Variants in CELF2 observed in about 807,000 individuals in gnomAD.
CELF2 encodes CUGBP Elav-like family member 2.
A neutral mutation model predicts 62.6 loss-of-function variants in CELF2; 8 were observed. The observed-to-expected ratio is 0.13, with a 90% CI of 0.07 to 0.23. CELF2 has a LOEUF of 0.23. Among genes scored for constraint, CELF2 ranks in the 10% least tolerant of loss-of-function variants. The pLI is 1.00. For synonymous variants in CELF2, 258 were observed against 250.0 expected, an observed-to-expected ratio of 1.03 and a Z score of -0.30; for missense variants, 333 against 671.0, an observed-to-expected ratio of 0.50 and a Z score of 5.56.
At chr10:10,708,517 TATA>T in the CELF2 span, among the ~76,000 whole-genome samples, 2 of 152,134 alleles carry the variant, frequency 1.3e-5, no homozygotes, top group African/African-American at 4.8e-5. Flanking sequence ...ACTTAACAAA[TATA>T]ATATCAGTGT....
the CELF2 span, among the ~76,000 whole-genome samples, chr10:10,777,292 G>C: frequency 1.3e-5 from 2 of 152,268 alleles, no homozygotes; most frequent in East Asian, 3.9e-4. Context: ...CTTGGCCCTG[G>C]TGCATCCTCA....
At chr10:11,049,122 T>TTA (rs11415139) in intron 1 of CELF2, among the ~76,000 whole-genome samples, 3 of 143,126 alleles carry the variant, frequency 2.1e-5, no homozygotes, top group South Asian at 2.3e-4. Context: ...ACTGTTCTGT[T>TTA]AAAAAAAAAA....
chr10:11,121,255 G>T (rs1247968230), intron 1 of CELF2, among the ~76,000 whole-genome samples: 1 of 152,110 alleles, frequency 6.6e-6, no homozygotes, highest in Non-Finnish European at 1.5e-5. Context: ...ACCTATCTTA[G>T]TGTTTTCAGA....
intron 3 of CELF2, among the ~76,000 whole-genome samples, chr10:11,239,688 G>A (rs1361382878): frequency 6.6e-6 from 1 of 152,060 alleles, no homozygotes; most frequent in African/African-American, 2.4e-5. Flanking sequence ...TTTCTTTGTT[G>A]TTACCAAACT....
the CELF2 span, among the ~76,000 whole-genome samples, chr10:10,657,368 C>G: frequency 4.1e-5 from 6 of 146,352 alleles, no homozygotes; most frequent in African/African-American, 1.3e-4. Context: ...CTTAAGCATA[C>G]ACTAAAAGTA....
At chr10:11,021,363 T>C (rs1170856713) in intron 1 of CELF2, among the ~76,000 whole-genome samples, 1 of 152,176 alleles carries the variant, frequency 6.6e-6, no homozygotes, top group African/African-American at 2.4e-5. Flanking sequence ...GAACTAGCTT[T>C]TTGTTAAGTC....
chr10:10,736,072 T>C, the CELF2 span, among the ~76,000 whole-genome samples: 5 of 152,238 alleles, frequency 3.3e-5, no homozygotes, highest in South Asian at 2.1e-4. Context: ...CTAGATTTTA[T>C]TGAGTACCCA....
the CELF2 span, among the ~76,000 whole-genome samples, chr10:10,581,689 G>T: frequency 2.6e-5 from 4 of 152,140 alleles, no homozygotes; most frequent in Non-Finnish European, 4.4e-5. Flanking sequence ...CTAATGTGAT[G>T]ATTTGGTAAC....
chr10:10,718,417 A>T, the CELF2 span, among the ~76,000 whole-genome samples: 3 of 152,068 alleles, frequency 2.0e-5, no homozygotes, highest in African/African-American at 7.2e-5. Flanking sequence ...TGAGGTCGGG[A>T]GTTCGAGACC....
At chr10:10,715,966 A>C in the CELF2 span, among the ~76,000 whole-genome samples, 27 of 152,170 alleles carry the variant, frequency 1.8e-4, 1 homozygote, top group African/African-American at 6.5e-4. Flanking sequence ...ACCTGAGTTG[A>C]TATAGTCCCA....
At chr10:11,134,075 A>T (rs1827297432) in intron 1 of CELF2, among the ~76,000 whole-genome samples, 1 of 152,176 alleles carries the variant, frequency 6.6e-6, no homozygotes, top group Admixed American at 6.6e-5. Context: ...GATATTTGTA[A>T]ATATTTTACT....
At position 11,319,365 on chromosome 10, in the gene CELF2, A is replaced by G. The variant is rs2095291436; in HGVS notation, c.1097-1824A>G. ...GATGAAGTAAGATCACTGGAGGAAT[A>G]GAGAAATGACTCTCCAGCCCTCTGG... On this transcript the variant is annotated intron_variant, in intron 10 of 12. Coordinates refer to ENST00000633077, the MANE Select transcript of CELF2 (RefSeq NM_001326342.2). This position sits in a 1 kb window ranked among gnomAD's most constrained non-coding sequence, Gnocchi z 4.4. Among the ~76,000 whole-genome samples, 1 of 152,176 alleles carries G rather than the reference A, an allele frequency of 6.6e-6. No individual in the cohort carries two copies. Among genetic ancestry groups the G allele is most frequent in the Non-Finnish European group, 1.5e-5 (1 of 68,030 alleles).
At chr10:11,124,365 C>CT (rs35434762) in intron 1 of CELF2, among the ~76,000 whole-genome samples, 1 of 152,084 alleles carries the variant, frequency 6.6e-6, no homozygotes, top group Non-Finnish European at 1.5e-5. Context: ...GTTCATGAGC[C>CT]TTTTTTGAGG....
chr10:10,698,333 G>A, the CELF2 span, among the ~76,000 whole-genome samples: 1,348 of 152,236 alleles, frequency 8.9e-3, 7 homozygotes, highest in African/African-American at 0.012. Flanking sequence ...TTATGCAGGC[G>A]AACTGACTTT....
chr10:10,582,332 T>C, the CELF2 span, among the ~76,000 whole-genome samples: 1 of 152,198 alleles, frequency 6.6e-6, no homozygotes, highest in Admixed American at 6.5e-5. Flanking sequence ...ACATACCTTT[T>C]GGATATGGGT....
At chr10:10,644,862 G>A in the CELF2 span, among the ~76,000 whole-genome samples, 1 of 152,170 alleles carries the variant, frequency 6.6e-6, no homozygotes, top group Non-Finnish European at 1.5e-5. Context: ...CAAATCAGCA[G>A]TGACTTAGAA....
the CELF2 span, among the ~76,000 whole-genome samples, chr10:10,505,919 G>C: frequency 6.6e-6 from 1 of 152,148 alleles, no homozygotes; most frequent in Admixed American, 6.5e-5. Flanking sequence ...GTTATCTTCA[G>C]ATCTCAAGTT....
At chr10:10,845,988 G>T in intron 1 of CELF2, 1 of 289,834 alleles carries the variant, frequency 3.5e-6, no homozygotes, top group Non-Finnish European at 5.2e-6. Context: ...ACATCAAGAC[G>T]TAAGTGCGTC....
At chr10:11,058,882 G>A (rs1297648807) in intron 1 of CELF2, among the ~76,000 whole-genome samples, 1 of 152,196 alleles carries the variant, frequency 6.6e-6, no homozygotes, top group African/African-American at 2.4e-5. Flanking sequence ...CTGGCCTCAA[G>A]TGATCCTTCT....
Sources: allele counts gnomAD v4.1 joint callset (sites outside exome capture counted in the v4.1 genomes callset), GRCh38; gene constraint gnomAD v4.1.1; non-coding constraint Gnocchi (gnomAD v3.1); transcripts MANE v1.5; gene names NCBI Gene and HGNC (gene_info 2026-07-23, HGNC 2026-07-21).